CHN1: variants seen among roughly 807,000 people sequenced by gnomAD.
The protein encoded by CHN1 is chimerin 1, also known as N-chimaerin.
CHN1 carries 37 observed loss-of-function variants against 59.5 expected under a neutral mutation model. That is an observed-to-expected ratio of 0.62 (90% CI 0.48 to 0.82). The LOEUF (loss-of-function observed/expected upper bound fraction) is 0.82, where lower values mean the gene tolerates loss of function less well. CHN1 is among the 40% of genes least tolerant of loss of function. CHN1 has a pLI of 0.00. For synonymous variants in CHN1, 206 were observed against 200.4 expected, an observed-to-expected ratio of 1.03 and a Z score of -0.24; for missense variants, 469 against 571.0, an observed-to-expected ratio of 0.82 and a Z score of 1.82.
chr2:174,872,767 T>TAA (rs1355831450), intron 6 of CHN1, among the ~76,000 whole-genome samples: 1 of 152,116 alleles, frequency 6.6e-6, no homozygotes, highest in African/African-American at 2.4e-5. Context: ...CTGAACATGC[T>TAA]ATTCCTAGCA....
intron 3 of CHN1, among the ~76,000 whole-genome samples, chr2:174,940,724 T>C (rs2105399361): frequency 6.6e-6 from 1 of 152,300 alleles, no homozygotes; most frequent in South Asian, 2.1e-4. Context: ...GTTTGTCCCA[T>C]TACAGGTAAT....
intron 1 of CHN1, among the ~76,000 whole-genome samples, chr2:174,956,492 C>T (rs1194135307): frequency 3.9e-5 from 6 of 151,938 alleles, no homozygotes; most frequent in African/African-American, 1.2e-4. Context: ...AATAACAGGC[C>T]GGGCGTGGTG....
At chr2:174,805,265 G>A (rs757815385) in intron 11 of CHN1, among the ~76,000 whole-genome samples, 1 of 152,212 alleles carries the variant, frequency 6.6e-6, no homozygotes, top group East Asian at 1.9e-4. Flanking sequence ...CAGTGAGTGA[G>A]CCTTGCAGCA....
intron 2 of CHN1, among the ~76,000 whole-genome samples, chr2:174,946,891 T>C (rs1315476914): frequency 4.7e-5 from 3 of 64,280 alleles, no homozygotes; most frequent in Non-Finnish European, 5.7e-5. Flanking sequence ...ACCCTGTCTC[T>C]AAAAAATGTA....
chr2:174,977,298 AT>A (rs1173903216), intron 1 of CHN1, among the ~76,000 whole-genome samples: 2 of 152,188 alleles, frequency 1.3e-5, no homozygotes, highest in African/African-American at 4.8e-5. Flanking sequence ...CTATATTGAC[AT>A]TTCTTCTATA....
At chr2:174,966,687 G>A (rs1475865464) in intron 1 of CHN1, among the ~76,000 whole-genome samples, 1 of 152,240 alleles carries the variant, frequency 6.6e-6, no homozygotes, top group East Asian at 1.9e-4. Flanking sequence ...CAATCCAAAG[G>A]TAAAAGAGTG....
intron 1 of CHN1, among the ~76,000 whole-genome samples, chr2:174,982,454 C>T (rs1272813542): frequency 2.6e-5 from 4 of 152,180 alleles, no homozygotes; most frequent in Non-Finnish European, 4.4e-5. Context: ...TCCTCTCCAG[C>T]GCCTGTTGTT....
Position 174,837,699 on chromosome 2 carries a change from G to GA in CHN1, c.627+9180dup, listed in dbSNP as rs1194768412. On this transcript the variant is annotated intron_variant, in intron 7 of 12. Transcript: ENST00000409900. The stretch of plus-strand genomic sequence containing the variant: ...TTTAAGAAGAGGGATTAGAAAACTG[G>GA]AAAAAAAAATCTATTAGTATGTTGC... 8.1e-4 allele frequency among the ~76,000 whole-genome samples: 123 copies of GA among 151,038 alleles called. No individual in the cohort carries two copies. The South Asian group carries it at 0.012, about 15-fold the overall frequency.
intron 8 of CHN1, among the ~76,000 whole-genome samples, chr2:174,822,702 A>G (rs562061072): frequency 1.4e-4 from 22 of 152,224 alleles, no homozygotes; most frequent in Non-Finnish European, 2.4e-4. Flanking sequence ...TGAAACTGCA[A>G]TGCACACTGC....
intron 6 of CHN1, among the ~76,000 whole-genome samples, chr2:174,858,015 T>C (rs1176455355): frequency 6.6e-6 from 1 of 152,176 alleles, no homozygotes; most frequent in Non-Finnish European, 1.5e-5. Context: ...AACTGCTATA[T>C]GAGGTTATTT....
In CHN1 at chr2:174,908,712, T is replaced by C. The variant is rs148734858; in HGVS notation, c.260+6346A>G. 5.1e-4 allele frequency among the ~76,000 whole-genome samples: 78 copies of C among 152,306 alleles called. 1 individual carries two copies. In the East Asian group the frequency reaches 0.014, roughly 28 times the overall value. On this transcript the variant is annotated intron_variant, in intron 5 of 12. Transcript: ENST00000409900. ...CCCACTTGAATAGTATCTGGCACGATATAGAAGCTCAATAAATGCTGCTCT... is the reference window on the plus strand; with the variant it reads ...CCCACTTGAATAGTATCTGGCACGACATAGAAGCTCAATAAATGCTGCTCT...
intron 1 of CHN1, among the ~76,000 whole-genome samples, chr2:175,003,387 C>A (rs1559018597): frequency 6.6e-6 from 1 of 152,178 alleles, no homozygotes; most frequent in African/African-American, 2.4e-5. Context: ...CTCATCTTCA[C>A]CACAGTGGTT....
chr2:174,900,310 A>G (rs1688347214), intron 5 of CHN1, among the ~76,000 whole-genome samples: 1 of 152,144 alleles, frequency 6.6e-6, no homozygotes, highest in African/African-American at 2.4e-5. Context: ...CTAGGAGTTC[A>G]AGACCAGCCT....
intron 1 of CHN1, among the ~76,000 whole-genome samples, chr2:174,981,514 G>A (rs1326140087): frequency 6.6e-6 from 1 of 152,196 alleles, no homozygotes; most frequent in Non-Finnish European, 1.5e-5. Context: ...AACATCTATT[G>A]CATTCCTACT....
chr2:174,872,458 C>G (rs182965765), intron 6 of CHN1, among the ~76,000 whole-genome samples: 1 of 152,232 alleles, frequency 6.6e-6, no homozygotes, highest in East Asian at 1.9e-4. Context: ...CACTGAGAGG[C>G]ATAGAAGCAG....
intron 5 of CHN1, among the ~76,000 whole-genome samples, chr2:174,890,557 G>A (rs1300340907): frequency 2.6e-5 from 4 of 151,944 alleles, no homozygotes; most frequent in African/African-American, 4.8e-5. Context: ...AAATATATAC[G>A]CACCTATTAG....
At position 175,005,211 on chromosome 2, in the gene CHN1, A is replaced by G. The variant is rs1353600413; in HGVS notation, c.-299T>C. 1.6e-6 allele frequency: 2 copies of G among 1,212,324 alleles called. No homozygotes were observed. Among genetic ancestry groups the G allele is most frequent in the South Asian group, 2.2e-5 (1 of 46,274 alleles). 75.1% of individuals were successfully genotyped at this position (1,212,324 alleles called of 1,614,324 possible). A position where few individuals can be genotyped will look rare whatever the true frequency, so the allele number is the denominator to read the frequency against. The stretch of plus-strand genomic sequence containing the variant: ...GTGCGCGCGGGAGGAGGTACCTGCG[A>G]GGCAGGAGGCTTGGCCGCGGCGCAG... On this transcript the variant is annotated 5_prime_UTR_variant, in exon 1 of 13. Coordinates refer to ENST00000409900, the MANE Select transcript of CHN1 (RefSeq NM_001822.7).
At chr2:174,848,494 T>A (rs867699015) in intron 6 of CHN1, among the ~76,000 whole-genome samples, 1 of 152,166 alleles carries the variant, frequency 6.6e-6, no homozygotes, top group Non-Finnish European at 1.5e-5. Context: ...CTATAATAAT[T>A]AAGTTAAACC....
intron 7 of CHN1, chr2:174,846,455 C>T (rs1686519710): frequency 6.6e-7 from 1 of 1,519,584 alleles, no homozygotes. Context: ...AAATGCAAAC[C>T]ATCTGCTCAA....
Sources: gnomAD v4.1 joint callset for allele counts (sites outside exome capture counted in the v4.1 genomes callset) on GRCh38, gnomAD v4.1.1 for gene constraint, MANE v1.5 for transcripts, NCBI Gene and HGNC (gene_info 2026-07-23, HGNC 2026-07-21) for gene names.